The following CAP1 variants were observed in gnomAD, a reference collection of about 807,000 sequenced individuals.
CAP1 encodes adenylyl cyclase-associated protein 1.
CAP1 carries 11 observed loss-of-function variants against 58.2 expected under a neutral mutation model. The ratio of observed to expected loss-of-function variants is 0.19; its 90% CI spans 0.12 to 0.31. The LOEUF (loss-of-function observed/expected upper bound fraction) is 0.31. CAP1 is among the 10% of genes least tolerant of loss of function. The pLI is 1.00. For synonymous variants in CAP1, 183 were observed against 213.8 expected, an observed-to-expected ratio of 0.86 and a Z score of 1.26; for missense variants, 423 against 587.5, an observed-to-expected ratio of 0.72 and a Z score of 2.89.
intron 11 of CAP1, 113 bp downstream of exon 11, chr1:40,070,625 C>G (rs1430407618): frequency 9.5e-7 from 1 of 1,050,184 alleles, no homozygotes; most frequent in East Asian, 2.4e-5. Flanking sequence ...AGTCTGTAAG[C>G]TGAGCTGCTT....
intron 8 of CAP1, among the ~76,000 whole-genome samples, chr1:40,068,639 G>GA (rs113000887): frequency 2.2e-4 from 33 of 147,238 alleles, no homozygotes; most frequent in Admixed American, 6.1e-4. Flanking sequence ...TAATGTTTAA[G>GA]AAAAAAAAAA....
At chr1:40,066,468 G>A (rs1647089573) in intron 7 of CAP1, 148 bp downstream of exon 7, 3 of 622,132 alleles carry the variant, frequency 4.8e-6, no homozygotes, top group South Asian at 3.8e-5. Context: ...GGAGGAGAAA[G>A]AAAGGGTAAA....
Position 40,072,514 on chromosome 1 carries a change from C to G in CAP1, c.*981C>G, listed in dbSNP as rs1364978943. On this transcript the variant is annotated 3_prime_UTR_variant, in exon 13 of 13. Transcript: ENST00000372805. ...TTTTTCCCTCTAGGACAAACACTTA[C>G]CAAAATATGCAACTTTTTTTTGGTG... The G allele has an allele frequency of 6.3e-6, 1 of 157,614 alleles. No individual in the cohort carries two copies. Among genetic ancestry groups the G allele is most frequent in the Non-Finnish European group, 1.4e-5 (1 of 71,724 alleles). 9.8% of individuals were successfully genotyped at this position (157,614 alleles called of 1,614,324 possible).
intron 1 of CAP1, among the ~76,000 whole-genome samples, chr1:40,053,579 C>T (rs149283116): frequency 0.019 from 2,920 of 152,166 alleles, 63 homozygotes; most frequent in Admixed American, 0.064. Flanking sequence ...TCCCAAGTAG[C>T]TGGGATTACA....
Position 40,071,435 on chromosome 1 carries a change from CTTCT to C in CAP1, c.1345-12_1345-9del, listed in dbSNP as rs760899606. 15 of 1,593,872 alleles carry C rather than the reference CTTCT, an allele frequency of 9.4e-6. No homozygotes were observed. In the Admixed American group the frequency reaches 1.2e-4, roughly 12 times the overall value. Reference sequence around the variant, plus strand: ...TAGCTCAGATTTAAACCTGCTGTCTCTTCTTTATTTGCAGAATGAATTCCCAGTT... The same window carrying C: ...TAGCTCAGATTTAAACCTGCTGTCTCTTATTTGCAGAATGAATTCCCAGTT... On this transcript the variant is annotated splice_polypyrimidine_tract_variant and intron_variant, in intron 12 of 12. Transcript: ENST00000372805.
intron 1 of CAP1, among the ~76,000 whole-genome samples, chr1:40,046,041 G>C (rs370212368): frequency 5.9e-5 from 9 of 152,222 alleles, no homozygotes; most frequent in African/African-American, 1.9e-4. Context: ...CAAGCTTCTT[G>C]TTGATGGTGT....
At chr1:40,062,597 AAAAAT>A (rs1375836668) in intron 4 of CAP1, among the ~76,000 whole-genome samples, 9 of 152,132 alleles carry the variant, frequency 5.9e-5, no homozygotes, top group African/African-American at 1.9e-4. Flanking sequence ...TAAAAATTAA[AAAAAT>A]AAAATAAATA....
In CAP1 at chr1:40,060,090, G is replaced by T; in HGVS notation, c.136G>T (p.Ala46Ser). Residue 46 changes from alanine to serine, a missense_variant, in exon 3 of 13, where the codon GCA becomes TCA. By Grantham distance (99) the Ala-to-Ser change is moderately conservative. Transcript: ENST00000372805. ...SKAGAAPYVQ[A>S]FDSLLAGPVA... ...AGCAGGAGCAGCTCCATATGTGCAGGCATTTGACTCGCTGCTTGCTGGTCC... is the reference window on the plus strand; with the variant it reads ...AGCAGGAGCAGCTCCATATGTGCAGTCATTTGACTCGCTGCTTGCTGGTCC... 6.2e-7 allele frequency: 1 copy of T among 1,613,516 alleles called. No individual in the cohort carries two copies. The highest frequency in any genetic ancestry group is 1.7e-4 in the Middle Eastern group (1 of 5,800).
At chr1:40,060,275 TG>T in intron 3 of CAP1, 105 bp downstream of exon 3, 1 of 740,084 alleles carries the variant, frequency 1.4e-6, no homozygotes, top group Non-Finnish European at 2.3e-6. Context: ...AAGTTCCTCT[TG>T]GTTTGGGGCA....
At chr1:40,064,063 G>A (rs1646969983) in intron 4 of CAP1, among the ~76,000 whole-genome samples, 164 bp from the exon 5 acceptor site, 1 of 152,224 alleles carries the variant, frequency 6.6e-6, no homozygotes, top group Admixed American at 6.5e-5. Flanking sequence ...CGAGGAGAGT[G>A]AGATGATGAG....
At position 40,062,523 on chromosome 1, in the gene CAP1, G is replaced by A. The variant is rs185693438; in HGVS notation, c.294+711G>A. The stretch of plus-strand genomic sequence containing the variant: ...CCAGCACTTTGGGAGGCTGAGGCAG[G>A]AGGATCACTTGAGGCCAGGAGTTTG... On this transcript the variant is annotated intron_variant, in intron 4 of 12. Coordinates refer to ENST00000372805, the MANE Select transcript of CAP1 (RefSeq NM_006367.4). 3.7e-3 allele frequency among the ~76,000 whole-genome samples: 562 copies of A among 152,246 alleles called. 4 individuals are homozygous for A. The highest frequency in any genetic ancestry group is 0.013 in the African/African-American group (547 of 41,534).
chr1:40,050,872 G>T (rs1007465286), intron 1 of CAP1, among the ~76,000 whole-genome samples: 3 of 151,964 alleles, frequency 2.0e-5, no homozygotes, highest in African/African-American at 7.3e-5. Context: ...TGATCACAAC[G>T]TCAAATTTAA....
In CAP1 at chr1:40,059,355, C is replaced by T; in HGVS notation, c.9C>T (p.Asp3=). The T allele has an allele frequency of 6.2e-7, 1 of 1,608,372 alleles. No individual in the cohort carries two copies. Among genetic ancestry groups the T allele is most frequent in the Non-Finnish European group, 8.5e-7 (1 of 1,174,818 alleles). The stretch of plus-strand genomic sequence containing the variant: ...TCAGCAGGTGGTCCATTATGGCTGA[C>T]ATGCAAAATCTGGTAGAAAGATTGG... MA[D]MQNLVERLER... Residue 3 remains aspartate, a synonymous_variant, in exon 2 of 13, where the codon GAC becomes GAT. Coordinates refer to ENST00000372805, the MANE Select transcript of CAP1 (RefSeq NM_006367.4).
At chr1:40,052,638 C>T (rs1646426986) in intron 1 of CAP1, among the ~76,000 whole-genome samples, 1 of 152,064 alleles carries the variant, frequency 6.6e-6, no homozygotes, top group South Asian at 2.1e-4. Context: ...AAGCCATCCT[C>T]CTGCCTTGGC....
At chr1:40,060,023 C>T in intron 2 of CAP1, 44 bp from the exon 3 acceptor site, 2 of 1,506,512 alleles carry the variant, frequency 1.3e-6, no homozygotes, top group Non-Finnish European at 1.8e-6. Flanking sequence ...AAAGAAGCCT[C>T]CTTCTGATGC....
intron 4 of CAP1, among the ~76,000 whole-genome samples, chr1:40,063,538 T>G (rs1297226358): frequency 1.3e-5 from 2 of 152,178 alleles, no homozygotes; most frequent in Admixed American, 6.5e-5. Flanking sequence ...TGTCTTGAAC[T>G]CCTGGTCTCA....
chr1:40,049,017 T>A (rs1178695295), intron 1 of CAP1, among the ~76,000 whole-genome samples: 1 of 152,116 alleles, frequency 6.6e-6, no homozygotes, highest in Non-Finnish European at 1.5e-5. Flanking sequence ...AAATTCATGC[T>A]ACTGTCTTAA....
Position 40,070,289 on chromosome 1 carries a change from C to G in CAP1, c.1117+7C>G, listed in dbSNP as rs1647629471. On this transcript the variant is annotated splice_region_variant and intron_variant, in intron 10 of 12. Transcript: ENST00000372805. ...ATTAACTCCATTACAGTAGGTGAGTCTTTGTCGCTGTCCCACGCAAGCCCC... is the reference window on the plus strand; with the variant it reads ...ATTAACTCCATTACAGTAGGTGAGTGTTTGTCGCTGTCCCACGCAAGCCCC... 1.9e-6 allele frequency: 3 copies of G among 1,614,114 alleles called. No individual in the cohort carries two copies. The highest frequency in any genetic ancestry group is 2.5e-6 in the Non-Finnish European group (3 of 1,179,994).
chr1:40,054,729 C>T (rs1226864569), intron 1 of CAP1, among the ~76,000 whole-genome samples: 2 of 152,198 alleles, frequency 1.3e-5, no homozygotes, highest in Admixed American at 1.3e-4. Flanking sequence ...GCAACCTCCA[C>T]TTCCCAGGTT....
Sources: allele counts gnomAD v4.1 joint callset (sites outside exome capture counted in the v4.1 genomes callset), GRCh38; gene constraint gnomAD v4.1.1; transcripts MANE v1.5; gene names NCBI Gene and HGNC (gene_info 2026-07-23, HGNC 2026-07-21).